Variants in TXLNB observed in about 807,000 individuals in gnomAD.
TXLNB encodes the protein taxilin beta, also known as beta-taxilin.
TXLNB carries 37 observed loss-of-function variants against 57.4 expected under a neutral mutation model. The observed-to-expected ratio is 0.64, with a 90% CI of 0.50 to 0.85. The LOEUF is 0.85. Among genes scored for constraint, TXLNB ranks in the 40% least tolerant of loss-of-function variants. The pLI, the probability that TXLNB is intolerant of heterozygous loss-of-function variation, is 0.00. For missense variants in TXLNB, 848 were observed against 825.6 expected, an observed-to-expected ratio of 1.03 and a Z score of -0.33; for synonymous variants, 302 against 309.6, an observed-to-expected ratio of 0.98 and a Z score of 0.26.
chr6:139,214,729 C>T, the TXLNB span, among the ~76,000 whole-genome samples: 92 of 152,324 alleles, frequency 6.0e-4, no homozygotes, highest in Admixed American at 2.7e-3. Context: ...TCTAGAACCC[C>T]ATCATCTCAG....
chr6:139,214,789 C>T, the TXLNB span, among the ~76,000 whole-genome samples: 1 of 152,164 alleles, frequency 6.6e-6, no homozygotes, highest in African/African-American at 2.4e-5. Context: ...TCTCAGGATA[C>T]AAAATCAATG....
chr6:139,246,928 A>C (rs962308058), intron 8 of TXLNB, among the ~76,000 whole-genome samples: 2 of 151,964 alleles, frequency 1.3e-5, no homozygotes, highest in African/African-American at 4.8e-5. Flanking sequence ...AAAAAAAAAA[A>C]AATTAGATTC....
At chr6:139,277,349 C>T (rs997738247) in intron 2 of TXLNB, among the ~76,000 whole-genome samples, 1 of 152,194 alleles carries the variant, frequency 6.6e-6, no homozygotes, top group South Asian at 2.1e-4. Context: ...TAGTATGAAA[C>T]AGCAACACGG....
intron 2 of TXLNB, among the ~76,000 whole-genome samples, chr6:139,277,472 A>G (rs1776929366): frequency 6.6e-6 from 1 of 152,030 alleles, no homozygotes; most frequent in Admixed American, 6.6e-5. Context: ...AGGGGGAACC[A>G]AGTTTCTCTT....
At chr6:139,271,731 G>A (rs1287392717) in intron 3 of TXLNB, 1 of 152,160 alleles carries the variant, frequency 6.6e-6, no homozygotes, top group East Asian at 1.9e-4. Context: ...AGAGAGATTG[G>A]TGGACTCTAG....
the TXLNB span, among the ~76,000 whole-genome samples, chr6:139,214,000 A>G: frequency 1.3e-5 from 2 of 152,258 alleles, no homozygotes; most frequent in African/African-American, 4.8e-5. Context: ...CTTACCAACC[A>G]AAAAAAGTCC....
chr6:139,179,989 CTGAT>C, the TXLNB span: 4 of 152,098 alleles, frequency 2.6e-5, no homozygotes, highest in African/African-American at 4.8e-5. Flanking sequence ...AGGACAATTT[CTGAT>C]TGATTGTTTT....
chr6:139,276,313 C>G (rs780795004), intron 3 of TXLNB, among the ~76,000 whole-genome samples: 32 of 152,296 alleles, frequency 2.1e-4, no homozygotes, highest in Non-Finnish European at 4.1e-4. Flanking sequence ...TTCTCAATAA[C>G]TTCTATAAAA....
intron 6 of TXLNB, 125 bp downstream of exon 6, chr6:139,260,193 C>G (rs968461637): frequency 8.5e-7 from 1 of 1,182,806 alleles, no homozygotes; most frequent in Non-Finnish European, 1.1e-6. Flanking sequence ...GCATTTCAGC[C>G]TGAATGACAG....
At chr6:139,207,550 G>A in the TXLNB span, among the ~76,000 whole-genome samples, 1 of 151,986 alleles carries the variant, frequency 6.6e-6, no homozygotes, top group Non-Finnish European at 1.5e-5. Flanking sequence ...GCAAATAGAC[G>A]ACCCAATGTC....
At chr6:139,181,467 C>T in the TXLNB span, among the ~76,000 whole-genome samples, 1 of 152,196 alleles carries the variant, frequency 6.6e-6, no homozygotes, top group African/African-American at 2.4e-5. Flanking sequence ...AGACGTCCCA[C>T]GCCTATTAGT....
At chr6:139,229,863 T>C in the TXLNB span, among the ~76,000 whole-genome samples, 1 of 152,170 alleles carries the variant, frequency 6.6e-6, no homozygotes, top group African/African-American at 2.4e-5. Flanking sequence ...TGATAGACAA[T>C]GCACCTCCCA....
the TXLNB span, among the ~76,000 whole-genome samples, chr6:139,231,751 G>A: frequency 2.6e-5 from 4 of 152,118 alleles, no homozygotes; most frequent in African/African-American, 7.2e-5. Flanking sequence ...TCATCTTATA[G>A]GTGAGTTAAC....
the TXLNB span, among the ~76,000 whole-genome samples, chr6:139,300,900 A>C: frequency 6.6e-6 from 1 of 152,190 alleles, no homozygotes; most frequent in Non-Finnish European, 1.5e-5. Context: ...ATCTCAAAAA[A>C]AAAGGGAATA....
chr6:139,236,263 C>T (rs777167580), downstream of TXLNB, among the ~76,000 whole-genome samples: 1 of 152,104 alleles, frequency 6.6e-6, no homozygotes, highest in African/African-American at 2.4e-5. Flanking sequence ...TGAAAGAGTG[C>T]ACTGTAACAC....
Position 139,244,832 on chromosome 6 carries a change from T to C in TXLNB, c.1171-142A>G, listed in dbSNP as rs113897999. The C allele has an allele frequency of 3.2e-3, 2,015 of 637,626 alleles. 24 individuals are homozygous for C. The highest frequency in any genetic ancestry group is 0.015 in the East Asian group (557 of 36,460). The allele number at this position is 637,626 out of a possible 1,614,324, so 39.5% of individuals were successfully genotyped here. A position where few individuals can be genotyped will look rare whatever the true frequency, so the allele number is the denominator to read the frequency against. The stretch of plus-strand genomic sequence containing the variant: ...AAATGTTCAATGTCAAGAATGAAGA[T>C]TGTAGCAGAGTCATAATTTATTTCT... On this transcript the variant is annotated intron_variant, in intron 8 of 9. Transcript: ENST00000358430.
At chr6:139,224,966 G>C in the TXLNB span, among the ~76,000 whole-genome samples, 2 of 152,044 alleles carry the variant, frequency 1.3e-5, no homozygotes, top group Admixed American at 1.3e-4. Context: ...ACCAAATCCA[G>C]TAATGTAAAA....
At chr6:139,291,187 A>C (rs778203458) in intron 1 of TXLNB, among the ~76,000 whole-genome samples, 12 of 152,206 alleles carry the variant, frequency 7.9e-5, no homozygotes, top group Non-Finnish European at 1.8e-4. Context: ...ATTTTAAGCT[A>C]TTCTAAAATG....
chr6:139,215,351 A>T, the TXLNB span, among the ~76,000 whole-genome samples: 1 of 152,208 alleles, frequency 6.6e-6, no homozygotes, highest in Non-Finnish European at 1.5e-5. Flanking sequence ...TCTTTGACAA[A>T]CCTCACAAAA....
Sources: gnomAD v4.1 joint callset for allele counts (sites outside exome capture counted in the v4.1 genomes callset) on GRCh38, gnomAD v4.1.1 for gene constraint, MANE v1.5 for transcripts, NCBI Gene and HGNC (gene_info 2026-07-23, HGNC 2026-07-21) for gene names.